The following OSBPL1A variants were observed in gnomAD, a reference collection of about 807,000 sequenced individuals.
The protein encoded by OSBPL1A is oxysterol-binding protein-related protein 1.
A neutral mutation model predicts 137.1 loss-of-function variants in OSBPL1A; 80 were observed. That is an observed-to-expected ratio of 0.58 (90% CI 0.49 to 0.70). The LOEUF is 0.70. Ranked by LOEUF, OSBPL1A falls within the 30% of genes least tolerant of loss-of-function variation. The pLI is 0.00. For synonymous variants in OSBPL1A, 365 were observed against 389.7 expected, an observed-to-expected ratio of 0.94 and a Z score of 0.75; for missense variants, 970 against 1,129.4, an observed-to-expected ratio of 0.86 and a Z score of 2.02.
intron 7 of OSBPL1A, among the ~76,000 whole-genome samples, chr18:24,323,359 C>A (rs1377123989): frequency 1.3e-5 from 2 of 149,998 alleles, no homozygotes; most frequent in Admixed American, 1.3e-4. Flanking sequence ...TCGAGACCAG[C>A]CCAGCCAACA....
intron 15 of OSBPL1A, among the ~76,000 whole-genome samples, chr18:24,248,869 T>G (rs1254480644): frequency 6.6e-6 from 1 of 152,174 alleles, no homozygotes; most frequent in African/African-American, 2.4e-5. Context: ...AAAAATAACT[T>G]CCCATAAAAT....
chr18:24,201,957 A>G (rs1436299875), intron 17 of OSBPL1A, among the ~76,000 whole-genome samples: 1 of 152,106 alleles, frequency 6.6e-6, no homozygotes, highest in African/African-American at 2.4e-5. Context: ...TGATAACACA[A>G]AGGTAGGCAA....
chr18:24,271,701 GCTC>G lies in OSBPL1A; in HGVS notation c.1281+9138_1281+9140del, dbSNP rs1033789946. 74 of 985,690 alleles carry G rather than the reference GCTC, an allele frequency of 7.5e-5. No homozygotes were observed. The highest frequency in any genetic ancestry group is 8.8e-5 in the Non-Finnish European group (73 of 830,312). The allele number at this position is 985,690 out of a possible 1,614,324, so 61.1% of individuals were successfully genotyped here. On this transcript the variant is annotated intron_variant, in intron 15 of 27. Transcript: ENST00000319481. This position sits in a 1 kb window ranked among gnomAD's most constrained non-coding sequence, Gnocchi z 4.0. Reference sequence around the variant, plus strand: ...GCTCCAGCGCGAATGCGCTCGGCCTGCTCCTCCTCCTCCCCTCCAGTCGAGCCG... The same window carrying G: ...GCTCCAGCGCGAATGCGCTCGGCCTGCTCCTCCTCCCCTCCAGTCGAGCCG...
intron 15 of OSBPL1A, among the ~76,000 whole-genome samples, chr18:24,261,749 T>A (rs901830791): frequency 6.6e-6 from 1 of 152,184 alleles, no homozygotes; most frequent in Non-Finnish European, 1.5e-5. Flanking sequence ...GGGACGATCA[T>A]CTGACCCAGG....
intron 17 of OSBPL1A, among the ~76,000 whole-genome samples, chr18:24,205,592 A>C (rs8096680): frequency 0.017 from 2,630 of 152,314 alleles, 73 homozygotes; most frequent in African/African-American, 0.059. Flanking sequence ...TGGTAGGTAG[A>C]AAACCTTCAA....
intron 23 of OSBPL1A, 31 bp downstream of exon 23, chr18:24,171,378 T>TA: frequency 6.6e-7 from 1 of 1,507,264 alleles, no homozygotes; most frequent in Non-Finnish European, 9.2e-7. Flanking sequence ...ACAAAATCTA[T>TA]ACTATTCAAC....
intron 13 of OSBPL1A, among the ~76,000 whole-genome samples, chr18:24,309,678 A>T (rs1305196969): frequency 6.6e-6 from 1 of 152,194 alleles, no homozygotes; most frequent in Admixed American, 6.5e-5. Flanking sequence ...ACAAGCTATG[A>T]TTCAACACAC....
intron 7 of OSBPL1A, among the ~76,000 whole-genome samples, chr18:24,322,682 T>G (rs1422054440): frequency 1.3e-5 from 2 of 152,190 alleles, no homozygotes; most frequent in African/African-American, 4.8e-5. Context: ...GACAACACTA[T>G]GATTTCTTTC....
chr18:24,200,903 G>A (rs375645582), intron 17 of OSBPL1A, among the ~76,000 whole-genome samples: 2 of 152,152 alleles, frequency 1.3e-5, no homozygotes, highest in South Asian at 4.1e-4. Context: ...GTGTTGAAAA[G>A]GATGTGTTTC....
intron 18 of OSBPL1A, among the ~76,000 whole-genome samples, chr18:24,184,724 C>G (rs1338298464): frequency 6.6e-6 from 1 of 152,186 alleles, no homozygotes; most frequent in African/African-American, 2.4e-5. Flanking sequence ...ATGCCCCCAT[C>G]ACCTCACAGA....
intron 17 of OSBPL1A, among the ~76,000 whole-genome samples, chr18:24,215,403 A>G (rs1014042130): frequency 6.6e-6 from 1 of 152,226 alleles, no homozygotes; most frequent in African/African-American, 2.4e-5. Context: ...ATGTGTTTTG[A>G]AAAGAGCTGT....
At chr18:24,218,431 T>A (rs1190542203) in intron 17 of OSBPL1A, 3 of 152,128 alleles carry the variant, frequency 2.0e-5, no homozygotes, top group African/African-American at 7.2e-5. Flanking sequence ...AGTAATCTAC[T>A]GTACAACATG....
intron 4 of OSBPL1A, among the ~76,000 whole-genome samples, chr18:24,348,037 AT>A (rs2091375791): frequency 6.6e-6 from 1 of 152,116 alleles, no homozygotes; most frequent in African/African-American, 2.4e-5. Context: ...ATATTAAAAC[AT>A]TTAAAAACTC....
At position 24,326,180 on chromosome 18, in the gene OSBPL1A, A is replaced by G. The variant is rs76337888; in HGVS notation, c.625+6762T>C. ...AAATTATGTTATATCCACATGAAGT[A>G]CTTTCCATAAGGTGAGCCATGATGA... On this transcript the variant is annotated intron_variant, in intron 7 of 27. Transcript: ENST00000319481. Among the ~76,000 whole-genome samples the G allele has an allele frequency of 5.9e-3, 898 of 152,326 alleles. 12 individuals carry two copies. Among genetic ancestry groups the G allele is most frequent in the African/African-American group, 0.021 (863 of 41,566 alleles).
In OSBPL1A at chr18:24,349,206, T is replaced by C. The variant is rs570714699; in HGVS notation, c.283-7548A>G. 1.1e-4 allele frequency among the ~76,000 whole-genome samples: 16 copies of C among 152,218 alleles called. No homozygotes were observed. In the East Asian group the frequency reaches 1.2e-3, roughly 11 times the overall value. On this transcript the variant is annotated intron_variant, in intron 4 of 27. Coordinates refer to ENST00000319481, the MANE Select transcript of OSBPL1A (RefSeq NM_080597.4). ...GTCTTACTCATGCTCTCATAACTTC[T>C]ATAGGCTTTGAAAAGTGTCAATATT... is the stretch of plus-strand genomic sequence containing the variant.
At chr18:24,310,535 G>T (rs1353129321) in intron 13 of OSBPL1A, among the ~76,000 whole-genome samples, 2 of 143,512 alleles carry the variant, frequency 1.4e-5, no homozygotes, top group African/African-American at 5.3e-5. Flanking sequence ...CCTGGAGGTG[G>T]AACTTGCAGT....
chr18:24,358,262 C>A, intron 4 of OSBPL1A: 1 of 564,660 alleles, frequency 1.8e-6, no homozygotes, highest in Non-Finnish European at 3.1e-6. Flanking sequence ...ATCCACGTAT[C>A]CATGACTGAC....
At chr18:24,371,604 C>G (rs1905644239) in intron 2 of OSBPL1A, among the ~76,000 whole-genome samples, 2 of 152,130 alleles carry the variant, frequency 1.3e-5, no homozygotes, top group Non-Finnish European at 2.9e-5. Flanking sequence ...TCTGGTGTCT[C>G]CCATCTAAAG....
intron 12 of OSBPL1A, among the ~76,000 whole-genome samples, chr18:24,313,562 G>A (rs546136805): frequency 6.6e-6 from 1 of 152,284 alleles, no homozygotes; most frequent in Non-Finnish European, 1.5e-5. Flanking sequence ...ATGAGTGTCA[G>A]AACGCCTGGC....
Sources: allele counts gnomAD v4.1 joint callset (sites outside exome capture counted in the v4.1 genomes callset), GRCh38; gene constraint gnomAD v4.1.1; non-coding constraint Gnocchi (gnomAD v3.1); transcripts MANE v1.5; gene names NCBI Gene and HGNC (gene_info 2026-07-23, HGNC 2026-07-21).